C12orf42: variants seen among roughly 807,000 people sequenced by gnomAD.
C12orf42 encodes uncharacterized protein C12orf42.
In C12orf42, 25 loss-of-function variants were observed where a neutral mutation model predicts 21.6. The ratio of observed to expected loss-of-function variants is 1.16; its 90% CI spans 0.84 to 1.62. C12orf42 has a LOEUF of 1.62. C12orf42 is among the 40% of genes most tolerant of loss of function. The probability of loss-of-function intolerance (pLI) is 0.00; values close to 1 mark genes in which losing one functional copy is unlikely to be tolerated. For missense variants in C12orf42, 483 were observed against 459.3 expected (o/e 1.05, Z -0.47); for synonymous variants, 174 against 175.0 (o/e 0.99, Z 0.05).
the C12orf42 span, among the ~76,000 whole-genome samples, chr12:103,147,493 C>CTTTTTTTT: frequency 1.2e-5 from 1 of 84,972 alleles, no homozygotes; most frequent in Non-Finnish European, 2.2e-5. Flanking sequence ...TTCTTTTTTT[C>CTTTTTTTT]TTTTTTTTTC....
chr12:103,153,876 A>G, the C12orf42 span, among the ~76,000 whole-genome samples: 2 of 152,090 alleles, frequency 1.3e-5, no homozygotes, highest in Non-Finnish European at 2.9e-5. Context: ...TAGCATCGCT[A>G]TTCACAGTAG....
chr12:103,161,440 T>C, the C12orf42 span: 12 of 152,178 alleles, frequency 7.9e-5, no homozygotes, highest in African/African-American at 2.2e-4. Flanking sequence ...CCCTCTCTTG[T>C]AGATTTTTAT....
chr12:103,493,120 T>C (rs1955287617), intron 1 of C12orf42, among the ~76,000 whole-genome samples: 1 of 152,226 alleles, frequency 6.6e-6, no homozygotes, highest in Admixed American at 6.5e-5. Flanking sequence ...TCAATCCATA[T>C]TCTACAAAGC....
intron 1 of C12orf42, among the ~76,000 whole-genome samples, chr12:103,480,898 A>C (rs1954420778): frequency 6.6e-6 from 1 of 151,688 alleles, no homozygotes; most frequent in Non-Finnish European, 1.5e-5. Flanking sequence ...TCATTAGATC[A>C]AGCCTATTAA....
chr12:103,185,619 C>G, the C12orf42 span, among the ~76,000 whole-genome samples: 15 of 152,058 alleles, frequency 9.9e-5, no homozygotes, highest in Non-Finnish European at 1.8e-4. Flanking sequence ...TTGAATTATA[C>G]TCCTATAATT....
chr12:103,397,419 T>C (rs1327399778), intron 3 of C12orf42, among the ~76,000 whole-genome samples: 3 of 152,188 alleles, frequency 2.0e-5, no homozygotes, highest in Admixed American at 6.5e-5. Context: ...GATCTCTGCC[T>C]CCTGTAAGAT....
intron 2 of C12orf42, among the ~76,000 whole-genome samples, chr12:103,425,239 AG>A (rs1229045391): frequency 6.6e-6 from 1 of 152,190 alleles, no homozygotes; most frequent in East Asian, 1.9e-4. Flanking sequence ...ACCTAGGGGA[AG>A]GGGTGGCTGT....
the C12orf42 span, among the ~76,000 whole-genome samples, chr12:103,510,485 C>A: frequency 6.6e-6 from 1 of 152,050 alleles, no homozygotes; most frequent in African/African-American, 2.4e-5. Context: ...CAAATACAAC[C>A]TGTTCCCCAA....
chr12:103,330,533 C>G (rs2041155023), intron 4 of C12orf42, among the ~76,000 whole-genome samples: 1 of 152,118 alleles, frequency 6.6e-6, no homozygotes, highest in Non-Finnish European at 1.5e-5. Flanking sequence ...AACATACAGG[C>G]AGTATATGGG....
chr12:103,207,816 C>G, the C12orf42 span, among the ~76,000 whole-genome samples: 1 of 152,168 alleles, frequency 6.6e-6, no homozygotes, highest in African/African-American at 2.4e-5. Context: ...TCTACCACCA[C>G]CACAACATAA....
At chr12:103,479,720 A>G (rs1250783578) in intron 1 of C12orf42, among the ~76,000 whole-genome samples, 1 of 152,070 alleles carries the variant, frequency 6.6e-6, no homozygotes, top group African/African-American at 2.4e-5. Context: ...CCTTTCAATG[A>G]TGCTGAAGTG....
chr12:103,362,061 A>G (rs1434440462), intron 4 of C12orf42, among the ~76,000 whole-genome samples: 1 of 152,142 alleles, frequency 6.6e-6, no homozygotes, highest in Non-Finnish European at 1.5e-5. Context: ...GCACAAAAAC[A>G]GTGCATTAAA....
At chr12:103,433,880 CAG>C (rs755335191) in intron 2 of C12orf42, among the ~76,000 whole-genome samples, 9 of 152,144 alleles carry the variant, frequency 5.9e-5, no homozygotes, top group Non-Finnish European at 8.8e-5. Context: ...TATATGGAAA[CAG>C]AGATGTAAAT....
At chr12:103,197,766 G>T in the C12orf42 span, among the ~76,000 whole-genome samples, 1 of 152,154 alleles carries the variant, frequency 6.6e-6, no homozygotes, top group East Asian at 1.9e-4. Flanking sequence ...GGCTGTGAGG[G>T]TTTGGTTTTT....
the C12orf42 span, among the ~76,000 whole-genome samples, chr12:103,550,095 A>G: frequency 3.3e-5 from 5 of 152,118 alleles, no homozygotes; most frequent in Admixed American, 1.3e-4. Context: ...AAATATTTGC[A>G]AGTAACAAAG....
the C12orf42 span, among the ~76,000 whole-genome samples, chr12:103,110,594 G>A: frequency 6.6e-6 from 1 of 151,970 alleles, no homozygotes; most frequent in African/African-American, 2.4e-5. Context: ...CTTTTTTTAA[G>A]GTTTGAAATA....
chr12:103,058,620 AT>A, the C12orf42 span, among the ~76,000 whole-genome samples: 1 of 152,226 alleles, frequency 6.6e-6, no homozygotes, highest in Admixed American at 6.5e-5. Context: ...AAGAACAGAA[AT>A]TATAACAGTC....
the C12orf42 span, among the ~76,000 whole-genome samples, chr12:103,147,081 G>A: frequency 6.6e-6 from 1 of 152,134 alleles, no homozygotes; most frequent in Admixed American, 6.6e-5. Context: ...AGGCCCGTAA[G>A]TATACAAAAG....
chr12:103,230,324 G>C, the C12orf42 span, among the ~76,000 whole-genome samples: 1 of 152,064 alleles, frequency 6.6e-6, no homozygotes, highest in East Asian at 1.9e-4. Flanking sequence ...AATGGCTGAA[G>C]GAGTCATAAA....
Sources: gnomAD v4.1 joint callset for allele counts (sites outside exome capture counted in the v4.1 genomes callset) on GRCh38, gnomAD v4.1.1 for gene constraint, MANE v1.5 for transcripts, NCBI Gene and HGNC (gene_info 2026-07-23, HGNC 2026-07-21) for gene names.